PHF24: variants seen among roughly 807,000 people sequenced by gnomAD.
The protein encoded by PHF24 is Galpha inhibitory interacting protein.
A neutral mutation model predicts 42.6 loss-of-function variants in PHF24; 25 were observed. The ratio of observed to expected loss-of-function variants is 0.59; its 90% CI spans 0.43 to 0.82. The LOEUF (loss-of-function observed/expected upper bound fraction) is 0.82. Ranked by LOEUF, PHF24 falls within the 40% of genes least tolerant of loss-of-function variation. PHF24 has a pLI of 0.00. For missense variants in PHF24, 470 were observed against 538.1 expected, an observed-to-expected ratio of 0.87 and a Z score of 1.25; for synonymous variants, 185 against 204.8, an observed-to-expected ratio of 0.90 and a Z score of 0.83.
At chr9:34,769,227 T>C in the PHF24 span, among the ~76,000 whole-genome samples, 7 of 152,214 alleles carry the variant, frequency 4.6e-5, no homozygotes, top group African/African-American at 1.4e-4. Context: ...GTGATTTTCC[T>C]GCCTCAGCCT....
intron 7 of PHF24, 123 bp from the exon 8 acceptor site, chr9:34,977,892 C>T (rs1827258666): frequency 1.2e-6 from 1 of 821,326 alleles, no homozygotes. Context: ...TCAAGCCATG[C>T]TGCCCCTGGG....
At chr9:34,711,151 AT>A in the PHF24 span, among the ~76,000 whole-genome samples, 1 of 152,126 alleles carries the variant, frequency 6.6e-6, no homozygotes, top group South Asian at 2.1e-4. Context: ...TTGTGTTCCC[AT>A]TGACATAGAT....
the PHF24 span, among the ~76,000 whole-genome samples, chr9:34,942,144 G>C: frequency 6.6e-6 from 1 of 152,090 alleles, no homozygotes; most frequent in African/African-American, 2.4e-5. Context: ...CAACACCTTA[G>C]GGTCCTCCAA....
the PHF24 span, among the ~76,000 whole-genome samples, chr9:34,673,771 G>A: frequency 2.6e-5 from 4 of 152,186 alleles, no homozygotes; most frequent in Non-Finnish European, 4.4e-5. Context: ...ACAGGCACCC[G>A]CTGCCAAACC....
At chr9:34,765,475 G>T in the PHF24 span, among the ~76,000 whole-genome samples, 1 of 149,940 alleles carries the variant, frequency 6.7e-6, no homozygotes, top group East Asian at 2.0e-4. Context: ...TGTCTCTTTT[G>T]ATCTTTGTTG....
At chr9:34,694,208 C>T in the PHF24 span, among the ~76,000 whole-genome samples, 3 of 123,622 alleles carry the variant, frequency 2.4e-5, no homozygotes, top group East Asian at 5.3e-4. Context: ...CTCAATATGT[C>T]ACCCAGGCTC....
At chr9:34,676,412 T>C in the PHF24 span, among the ~76,000 whole-genome samples, 1 of 152,144 alleles carries the variant, frequency 6.6e-6, no homozygotes, top group Admixed American at 6.6e-5. Context: ...TAGTCCCAGC[T>C]TCTCAGGAGG....
the PHF24 span, among the ~76,000 whole-genome samples, chr9:34,666,383 C>G: frequency 6.6e-6 from 1 of 152,066 alleles, no homozygotes; most frequent in Non-Finnish European, 1.5e-5. Flanking sequence ...TCTTGCCTGC[C>G]TTCCTCCCCT....
chr9:34,836,567 A>G, the PHF24 span, among the ~76,000 whole-genome samples: 2 of 152,232 alleles, frequency 1.3e-5, no homozygotes, highest in Non-Finnish European at 2.9e-5. Flanking sequence ...CTGGGAATCA[A>G]TCTTTTTCTC....
chr9:34,917,426 A>G, the PHF24 span: 11 of 768,378 alleles, frequency 1.4e-5, no homozygotes, highest in African/African-American at 8.5e-5. Context: ...TCCTGCTGCT[A>G]TGTTTAAGGA....
the PHF24 span, among the ~76,000 whole-genome samples, chr9:34,817,560 T>A: frequency 2.0e-3 from 306 of 152,314 alleles, 2 homozygotes; most frequent in Non-Finnish European, 3.1e-3. Context: ...TTTGTTTTTT[T>A]AAATTACTTA....
chr9:34,954,700 T>C (rs1472616704), upstream of PHF24, among the ~76,000 whole-genome samples: 1 of 151,658 alleles, frequency 6.6e-6, no homozygotes, highest in East Asian at 1.9e-4. Context: ...CAAAAGAGCA[T>C]ACACACTCTC....
At chr9:34,846,139 G>A in the PHF24 span, among the ~76,000 whole-genome samples, 1 of 152,104 alleles carries the variant, frequency 6.6e-6, no homozygotes, top group Non-Finnish European at 1.5e-5. Context: ...TGGGTCAAAT[G>A]GTATTTCCAG....
the PHF24 span, among the ~76,000 whole-genome samples, chr9:34,666,693 A>G: frequency 6.6e-6 from 1 of 151,836 alleles, no homozygotes; most frequent in African/African-American, 2.4e-5. Context: ...CACGCCTTTA[A>G]TCCCAGCACT....
the PHF24 span, among the ~76,000 whole-genome samples, chr9:34,741,046 C>T: frequency 3.0e-4 from 45 of 151,954 alleles, no homozygotes; most frequent in Non-Finnish European, 1.2e-4. Context: ...CCACCATGCC[C>T]GGCTAATTTT....
At chr9:34,683,177 C>A in the PHF24 span, among the ~76,000 whole-genome samples, 3 of 152,062 alleles carry the variant, frequency 2.0e-5, no homozygotes, top group Non-Finnish European at 4.4e-5. Flanking sequence ...TCTCCTGCCT[C>A]AGCCTCCCAA....
chr9:34,793,739 C>G, the PHF24 span, among the ~76,000 whole-genome samples: 3 of 151,198 alleles, frequency 2.0e-5, no homozygotes, highest in East Asian at 5.9e-4. Context: ...GTGTGAAAAT[C>G]ACCTGTGTTT....
chr9:34,768,262 C>A, the PHF24 span, among the ~76,000 whole-genome samples: 1 of 152,182 alleles, frequency 6.6e-6, no homozygotes, highest in African/African-American at 2.4e-5. Flanking sequence ...CCCATGCAAG[C>A]TGTTTAAGAA....
the PHF24 span, among the ~76,000 whole-genome samples, chr9:34,749,617 T>TTTA: frequency 1.3e-5 from 2 of 150,462 alleles, no homozygotes; most frequent in African/African-American, 2.4e-5. Flanking sequence ...TTTTTTTTTT[T>TTTA]AATTTTACTT....
Sources: allele counts gnomAD v4.1 joint callset (sites outside exome capture counted in the v4.1 genomes callset), GRCh38; gene constraint gnomAD v4.1.1; transcripts MANE v1.5; gene names NCBI Gene and HGNC (gene_info 2026-07-23, HGNC 2026-07-21).